Variants in SUPV3L1 observed in about 807,000 individuals in gnomAD.
The protein encoded by SUPV3L1 is ATP-dependent RNA helicase SUPV3L1, mitochondrial.
SUPV3L1 carries 35 observed loss-of-function variants against 70.0 expected under a neutral mutation model. The observed-to-expected ratio is 0.50, with a 90% confidence interval of 0.38 to 0.66. The LOEUF is 0.66. SUPV3L1 is among the 30% of genes least tolerant of loss of function. The pLI, the probability that SUPV3L1 is intolerant of heterozygous loss-of-function variation, is 0.00. For missense variants in SUPV3L1, 777 were observed against 961.5 expected, an observed-to-expected ratio of 0.81 and a Z score of 2.54; for synonymous variants, 364 against 341.9, an observed-to-expected ratio of 1.06 and a Z score of -0.71.
chr10:69,196,229 C>T (rs1032118460), intron 7 of SUPV3L1, among the ~76,000 whole-genome samples: 3 of 152,156 alleles, frequency 2.0e-5, no homozygotes, highest in East Asian at 1.9e-4. Context: ...CGGTGGCTCA[C>T]GCCTGTAATC....
At position 69,189,275 on chromosome 10, in the gene SUPV3L1, A is replaced by C. The variant is rs1842321115; in HGVS notation, c.581A>C (p.Asp194Ala). The C allele has an allele frequency of 6.2e-7, 1 of 1,612,246 alleles. No individual in the cohort carries two copies. The highest frequency in any genetic ancestry group is 8.5e-7 in the Non-Finnish European group (1 of 1,179,136). ...DLRIPPNWYP[D>A]ARAMQRKIIF... Reference sequence around the variant, plus strand: ...ACCTACTCATGTTTTAGGTACCCAGATGCTAGAGCCATGCAGCGGAAGATA... The same window carrying C: ...ACCTACTCATGTTTTAGGTACCCAGCTGCTAGAGCCATGCAGCGGAAGATA... The change falls in exon 5 of 15, where the codon GAT (aspartate) becomes GCT (alanine). Residue 194 changes from aspartate to alanine, a missense_variant. Coordinates refer to ENST00000359655, the MANE Select transcript of SUPV3L1 (RefSeq NM_003171.5).
Position 69,187,256 on chromosome 10 carries a change from A to G in SUPV3L1, c.458-386A>G, listed in dbSNP as rs1359612328. Among the ~76,000 whole-genome samples, 4 of 152,010 alleles carry G rather than the reference A, an allele frequency of 2.6e-5. No homozygotes were observed. In the East Asian group the frequency reaches 7.7e-4, roughly 29 times the overall value. On this transcript the variant is annotated intron_variant, in intron 3 of 14. Transcript: ENST00000359655. Reference sequence around the variant, plus strand: ...CAATTTCCTGAAAATATAAATTAAAAGGAAAAAGTAAGACAAAACAGGATC... The same window carrying G: ...CAATTTCCTGAAAATATAAATTAAAGGGAAAAAGTAAGACAAAACAGGATC...
chr10:69,183,482 G>A (rs1842125037), intron 1 of SUPV3L1, among the ~76,000 whole-genome samples: 2 of 152,130 alleles, frequency 1.3e-5, no homozygotes, highest in Admixed American at 6.5e-5. Flanking sequence ...AGCTCAAGAC[G>A]AGCTTGGGCA....
intron 14 of SUPV3L1, 75 bp from the exon 15 acceptor site, chr10:69,208,525 T>C: frequency 7.2e-7 from 1 of 1,392,306 alleles, no homozygotes; most frequent in Non-Finnish European, 9.9e-7. Context: ...TGTCATGATG[T>C]AGGTGTGCCA....
intron 9 of SUPV3L1, 79 bp from the exon 10 acceptor site, chr10:69,199,025 G>A (rs574202287): frequency 1.9e-6 from 2 of 1,069,714 alleles, no homozygotes; most frequent in South Asian, 2.9e-5. Flanking sequence ...AACAGGAGGT[G>A]AGGGTTTCCA....
In SUPV3L1 at chr10:69,186,529, AATG is replaced by A; in HGVS notation, c.439_441del (p.Asp147del). The stretch of plus-strand genomic sequence containing the variant: ...GGATGTGGACATTCACATTGTTTTG[AATG>A]ATATTTGCTTCGGTGCAGGCAAGTG... On this transcript the variant is annotated inframe_deletion, in exon 3 of 15. Transcript: ENST00000359655. The A allele has an allele frequency of 6.2e-7, 1 of 1,613,838 alleles. No individual in the cohort carries two copies. The highest frequency in any genetic ancestry group is 8.5e-7 in the Non-Finnish European group (1 of 1,179,858).
At chr10:69,195,338 A>G in intron 7 of SUPV3L1, 73 bp downstream of exon 7, 1 of 1,187,110 alleles carries the variant, frequency 8.4e-7, no homozygotes, top group Non-Finnish European at 1.2e-6. Flanking sequence ...TCTGCTTGCC[A>G]TTGCCAACCA....
At chr10:69,195,981 A>G (rs1190889765) in intron 7 of SUPV3L1, among the ~76,000 whole-genome samples, 1 of 152,038 alleles carries the variant, frequency 6.6e-6, no homozygotes, top group Admixed American at 6.6e-5. Flanking sequence ...TCCTGGGTTC[A>G]AGCACTCTTC....
chr10:69,182,418 A>G (rs763470920), intron 1 of SUPV3L1: 136 of 689,056 alleles, frequency 2.0e-4, no homozygotes, highest in Admixed American at 2.5e-4. Flanking sequence ...CCATTAAAGA[A>G]CAATTTTCCA....
chr10:69,207,732 A>T, intron 13 of SUPV3L1, 61 bp from the exon 14 acceptor site: 1 of 1,528,414 alleles, frequency 6.5e-7, no homozygotes, highest in Admixed American at 2.4e-5. Flanking sequence ...TTCTCTTTCT[A>T]ATTATAGACT....
chr10:69,185,263 T>A (rs2132267423), intron 1 of SUPV3L1, among the ~76,000 whole-genome samples: 1 of 152,320 alleles, frequency 6.6e-6, no homozygotes, highest in Non-Finnish European at 1.5e-5. Context: ...TCCTCAAACT[T>A]AACATCAGCG....
chr10:69,182,616 T>G, intron 1 of SUPV3L1: 3 of 985,450 alleles, frequency 3.0e-6, no homozygotes, highest in Non-Finnish European at 3.6e-6. Flanking sequence ...TTTCTTCTGG[T>G]GGAGAATCCT....
chr10:69,200,289 G>A lies in SUPV3L1; in HGVS notation c.1308G>A (p.Arg436=). Residue 436 remains arginine (R), a synonymous_variant, in exon 11 of 15, where the codon AGG becomes AGA. Coordinates refer to ENST00000359655, the MANE Select transcript of SUPV3L1 (RefSeq NM_003171.5). ...TTTATTTCTGTTTCAGGAGCATAAG[G>A]AGAATTATTTTTTACTCCCTTATAA... The part of the protein sequence containing the change: ...AIGMGLNLSI[R]RIIFYSLIKP... 1 of 1,613,310 alleles carries A rather than the reference G, an allele frequency of 6.2e-7. No individual in the cohort carries two copies. Among genetic ancestry groups the A allele is most frequent in the Non-Finnish European group, 8.5e-7 (1 of 1,179,650 alleles).
intron 6 of SUPV3L1, among the ~76,000 whole-genome samples, chr10:69,194,508 T>TG (rs1177052994): frequency 6.7e-6 from 1 of 148,704 alleles, no homozygotes; most frequent in Non-Finnish European, 1.5e-5. Context: ...CACGCCACCA[T>TG]GCCCGGCTAA....
chr10:69,185,874 T>G, intron 1 of SUPV3L1, 113 bp from the exon 2 acceptor site: 1 of 789,086 alleles, frequency 1.3e-6, no homozygotes, highest in Non-Finnish European at 2.2e-6. Flanking sequence ...CTTCTAGTTC[T>G]TGCAACACTC....
At chr10:69,186,344 A>AC in intron 2 of SUPV3L1, 99 bp from the exon 3 acceptor site, 1 of 469,238 alleles carries the variant, frequency 2.1e-6, no homozygotes, top group Non-Finnish European at 3.6e-6. Context: ...AAAAAAAAAA[A>AC]GAAAAAAAAA....
At chr10:69,204,907 G>A (rs1462339351) in intron 13 of SUPV3L1, among the ~76,000 whole-genome samples, 3 of 151,816 alleles carry the variant, frequency 2.0e-5, no homozygotes, top group Admixed American at 2.0e-4. Context: ...CTGAGTATCT[G>A]GGATTACAGG....
intron 13 of SUPV3L1, among the ~76,000 whole-genome samples, chr10:69,204,409 C>T (rs1393356286): frequency 6.6e-6 from 1 of 152,142 alleles, no homozygotes; most frequent in Non-Finnish European, 1.5e-5. Context: ...TCAAATCTAG[C>T]TCTAAACTTA....
At chr10:69,185,912 C>T in intron 1 of SUPV3L1, 75 bp from the exon 2 acceptor site, 1 of 1,119,862 alleles carries the variant, frequency 8.9e-7, no homozygotes, top group South Asian at 1.3e-5. Flanking sequence ...AGTGTTATTG[C>T]TTCAAGTTTC....
Sources: allele counts gnomAD v4.1 joint callset (sites outside exome capture counted in the v4.1 genomes callset), GRCh38; gene constraint gnomAD v4.1.1; transcripts MANE v1.5; gene names NCBI Gene and HGNC (gene_info 2026-07-23, HGNC 2026-07-21).